SNTG1: variants seen among roughly 807,000 people sequenced by gnomAD.
The protein encoded by SNTG1 is syntrophin gamma 1.
Under a neutral mutation model 74.7 loss-of-function variants are expected in SNTG1, and 39 were observed. The observed-to-expected ratio is 0.52, with a 90% CI of 0.40 to 0.68. SNTG1 has a LOEUF of 0.68. SNTG1 is among the 30% of genes least tolerant of loss of function. The probability of loss-of-function intolerance (pLI) is 0.00; values close to 1 mark genes in which losing one functional copy is unlikely to be tolerated. For synonymous variants in SNTG1, 254 were observed against 217.1 expected (o/e 1.17, Z -1.49); for missense variants, 685 against 609.5 (o/e 1.12, Z -1.30).
intron 15 of SNTG1, among the ~76,000 whole-genome samples, chr8:50,679,311 T>C (rs2095322173): frequency 2.0e-5 from 3 of 152,150 alleles, no homozygotes; most frequent in Admixed American, 2.0e-4. Flanking sequence ...AGAGTAGTGA[T>C]GTGTTAATAG....
chr8:50,264,397 G>A (rs900013006), intron 2 of SNTG1, among the ~76,000 whole-genome samples: 2 of 151,582 alleles, frequency 1.3e-5, no homozygotes, highest in South Asian at 2.1e-4. Context: ...GTGAAACCCC[G>A]TCTCTAATAA....
intron 1 of SNTG1, among the ~76,000 whole-genome samples, chr8:49,914,012 A>C (rs900986727): frequency 2.0e-5 from 3 of 152,088 alleles, no homozygotes; most frequent in Admixed American, 2.0e-4. Context: ...GAAATATGTA[A>C]CTCTAATTCA....
intron 1 of SNTG1, among the ~76,000 whole-genome samples, chr8:50,123,773 G>GTC (rs1458104924): frequency 7.0e-6 from 1 of 142,066 alleles, no homozygotes; most frequent in Non-Finnish European, 1.6e-5. Flanking sequence ...GTGACAAATA[G>GTC]CTGTGTAACC....
intron 1 of SNTG1, among the ~76,000 whole-genome samples, chr8:49,997,374 A>AT (rs1386187025): frequency 6.6e-6 from 1 of 151,890 alleles, no homozygotes; most frequent in Admixed American, 6.6e-5. Flanking sequence ...ATATATTGTT[A>AT]TTTTTTCAAT....
intron 2 of SNTG1, among the ~76,000 whole-genome samples, chr8:50,281,003 A>AAG (rs2088417339): frequency 6.6e-6 from 1 of 150,792 alleles, no homozygotes; most frequent in African/African-American, 2.4e-5. Flanking sequence ...AAAAAAAAAA[A>AAG]AAAGAAAGAA....
intron 15 of SNTG1, among the ~76,000 whole-genome samples, chr8:50,684,894 C>T (rs926610842): frequency 8.7e-5 from 10 of 114,556 alleles, no homozygotes; most frequent in South Asian, 3.5e-4. Context: ...CCCCTCCCCC[C>T]ACCCCACCAC....
chr8:50,295,881 C>T (rs970939771), intron 2 of SNTG1, among the ~76,000 whole-genome samples: 2 of 152,112 alleles, frequency 1.3e-5, no homozygotes, highest in Non-Finnish European at 2.9e-5. Context: ...TAATTTCATT[C>T]TAGAGGCTTC....
chr8:50,233,734 G>GAAAA (rs71235783), intron 2 of SNTG1, among the ~76,000 whole-genome samples: 4 of 150,128 alleles, frequency 2.7e-5, no homozygotes, highest in Non-Finnish European at 4.5e-5. Context: ...TTAGAAAATG[G>GAAAA]AAAAAAAAAT....
chr8:50,762,762 G>T, intron 18 of SNTG1: 1 of 475,368 alleles, frequency 2.1e-6, no homozygotes, highest in South Asian at 1.5e-5. Context: ...ACACACTTCT[G>T]AACAAAGATC....
intron 4 of SNTG1, among the ~76,000 whole-genome samples, chr8:50,411,212 G>A (rs995958213): frequency 2.6e-5 from 4 of 152,056 alleles, no homozygotes; most frequent in Admixed American, 2.6e-4. Context: ...ACTTTGGGAG[G>A]CCGAGATGGC....
At chr8:50,701,800 C>T (rs868508320) in intron 15 of SNTG1, among the ~76,000 whole-genome samples, 13 of 142,806 alleles carry the variant, frequency 9.1e-5, no homozygotes, top group African/African-American at 2.6e-4. Flanking sequence ...CCTCCTCCTC[C>T]TCTTCTTCTT....
chr8:50,300,192 T>C (rs1234373127), intron 2 of SNTG1, among the ~76,000 whole-genome samples: 3 of 152,162 alleles, frequency 2.0e-5, no homozygotes, highest in Admixed American at 2.0e-4. Flanking sequence ...AATGCACTTA[T>C]CTTTTCGACC....
rs1227668967 is a variant in SNTG1, at chr8:50,795,208, G to T, written c.*2379G>T. 3 of 151,794 alleles carry T rather than the reference G, an allele frequency of 2.0e-5. No homozygotes were observed. The highest frequency in any genetic ancestry group is 1.9e-4 in the East Asian group (1 of 5,168). The allele number at this position is 151,794 out of a possible 1,614,324, so 9.4% of individuals were successfully genotyped here. Reference sequence around the variant, plus strand: ...TGACAATACCATTATGAATATTTTTGATACTATTGATAAAAAACATAAGCC... The same window carrying T: ...TGACAATACCATTATGAATATTTTTTATACTATTGATAAAAAACATAAGCC... On this transcript the variant is annotated 3_prime_UTR_variant, in exon 19 of 19. Transcript: ENST00000642720.
At chr8:50,416,373 T>C (rs2093013826) in intron 4 of SNTG1, among the ~76,000 whole-genome samples, 1 of 152,182 alleles carries the variant, frequency 6.6e-6, no homozygotes, top group East Asian at 1.9e-4. Flanking sequence ...TCCTATACAG[T>C]GGGCTTGGAT....
chr8:50,722,150 G>GTA (rs574798069), intron 17 of SNTG1, among the ~76,000 whole-genome samples: 86 of 150,840 alleles, frequency 5.7e-4, no homozygotes, highest in South Asian at 1.5e-3. Flanking sequence ...ATACATATGT[G>GTA]TATATATATA....
At chr8:50,680,352 T>C (rs2095326158) in intron 15 of SNTG1, among the ~76,000 whole-genome samples, 1 of 152,196 alleles carries the variant, frequency 6.6e-6, no homozygotes, top group Admixed American at 6.6e-5. Flanking sequence ...CTGTCAGGAC[T>C]GTTTGTTCAG....
intron 2 of SNTG1, among the ~76,000 whole-genome samples, chr8:50,323,045 A>G (rs543991107): frequency 6.6e-6 from 1 of 151,778 alleles, no homozygotes; most frequent in South Asian, 2.1e-4. Flanking sequence ...GAACCTGGGA[A>G]ACGGAGGTTG....
chr8:50,592,927 ATTATT>A (rs2094701703), intron 13 of SNTG1, among the ~76,000 whole-genome samples: 1 of 152,196 alleles, frequency 6.6e-6, no homozygotes. Flanking sequence ...AAACATTTAT[ATTATT>A]GCATAATTAG....
intron 1 of SNTG1, among the ~76,000 whole-genome samples, chr8:50,071,527 G>A (rs1317942366): frequency 6.6e-6 from 1 of 151,846 alleles, no homozygotes; most frequent in East Asian, 1.9e-4. Flanking sequence ...TGCCCAGGCT[G>A]GAGTGCAATG....
Sources: allele counts gnomAD v4.1 joint callset (sites outside exome capture counted in the v4.1 genomes callset), GRCh38; gene constraint gnomAD v4.1.1; transcripts MANE v1.5; gene names NCBI Gene and HGNC (gene_info 2026-07-23, HGNC 2026-07-21).